The following RNF150 variants were observed in gnomAD, a reference collection of about 807,000 sequenced individuals.
RNF150 encodes the protein ring finger protein 150.
RNF150 carries 24 observed loss-of-function variants against 39.3 expected under a neutral mutation model. That is an observed-to-expected ratio of 0.61 (90% confidence interval 0.44 to 0.86). RNF150 has a LOEUF of 0.86. RNF150 is among the 40% of genes least tolerant of loss of function. The probability of loss-of-function intolerance (pLI) is 0.00; values close to 1 mark genes in which losing one functional copy is unlikely to be tolerated. For missense variants in RNF150, 502 were observed against 587.8 expected, an observed-to-expected ratio of 0.85 and a Z score of 1.51; for synonymous variants, 255 against 227.3, an observed-to-expected ratio of 1.12 and a Z score of -1.10.
intron 6 of RNF150, among the ~76,000 whole-genome samples, chr4:140,909,353 C>T (rs1051808017): frequency 2.0e-5 from 3 of 151,952 alleles, no homozygotes; most frequent in African/African-American, 7.2e-5. Context: ...TTTACAGTGT[C>T]TCAATAGTTT....
intron 6 of RNF150, among the ~76,000 whole-genome samples, chr4:140,875,348 A>AT (rs898892189): frequency 6.3e-4 from 96 of 151,630 alleles, no homozygotes; most frequent in African/African-American, 2.1e-3. Context: ...TAATTAAAAT[A>AT]TTTTTTTTCA....
At chr4:140,899,090 G>T (rs1319818287) in intron 6 of RNF150, among the ~76,000 whole-genome samples, 1 of 151,648 alleles carries the variant, frequency 6.6e-6, no homozygotes, top group African/African-American at 2.4e-5. Flanking sequence ...TTTACTAATG[G>T]TTTTTTTTTA....
intron 4 of RNF150, among the ~76,000 whole-genome samples, chr4:140,937,151 T>C (rs1000121874): frequency 2.0e-5 from 3 of 152,232 alleles, no homozygotes; most frequent in African/African-American, 7.2e-5. Flanking sequence ...CTCATGATTT[T>C]ATAATGATGA....
At chr4:140,931,986 G>A (rs1294555437) in intron 4 of RNF150, among the ~76,000 whole-genome samples, 1 of 152,184 alleles carries the variant, frequency 6.6e-6, no homozygotes, top group African/African-American at 2.4e-5. Context: ...AGAAAAGGCT[G>A]TTCTGTTTTT....
At chr4:141,142,888 T>A (rs78870965) in intron 1 of RNF150, among the ~76,000 whole-genome samples, 1 of 151,720 alleles carries the variant, frequency 6.6e-6, no homozygotes, top group Non-Finnish European at 1.5e-5. Context: ...TTTTTTTTTT[T>A]AGATAGAGTC....
At chr4:141,152,303 A>G (rs764964741) in intron 1 of RNF150, among the ~76,000 whole-genome samples, 2 of 152,246 alleles carry the variant, frequency 1.3e-5, no homozygotes, top group Non-Finnish European at 2.9e-5. Flanking sequence ...TTGTCCAGTC[A>G]CATAAAAAGA....
At chr4:141,103,319 C>G (rs1739080985) in intron 1 of RNF150, among the ~76,000 whole-genome samples, 1 of 152,200 alleles carries the variant, frequency 6.6e-6, no homozygotes, top group Non-Finnish European at 1.5e-5. Context: ...AGACTCTCCT[C>G]CTTAACCCAA....
intron 1 of RNF150, among the ~76,000 whole-genome samples, chr4:141,032,772 A>G (rs1490489983): frequency 6.6e-6 from 1 of 152,162 alleles, no homozygotes; most frequent in African/African-American, 2.4e-5. Flanking sequence ...AGTCACACAA[A>G]TTTTTTGGTT....
intron 1 of RNF150, among the ~76,000 whole-genome samples, chr4:141,068,626 T>C (rs933742303): frequency 4.6e-5 from 7 of 151,736 alleles, no homozygotes; most frequent in Non-Finnish European, 7.4e-5. Flanking sequence ...GGGGATGGCA[T>C]TGAATCTATA....
In RNF150 at chr4:141,034,666, A is replaced by C. The variant is rs189721192; in HGVS notation, c.485-66793T>G. On this transcript the variant is annotated intron_variant, in intron 1 of 6. Transcript: ENST00000515673. Reference sequence around the variant, plus strand: ...AACACTTAGAGGCCACGGTAGGGTTATTAATTGGCCTAATTTTAATATTTT... The same window carrying C: ...AACACTTAGAGGCCACGGTAGGGTTCTTAATTGGCCTAATTTTAATATTTT... 3.1e-4 allele frequency among the ~76,000 whole-genome samples: 47 copies of C among 152,282 alleles called. No individual in the cohort carries two copies. The East Asian group carries it at 3.1e-3, about 10-fold the overall frequency.
At chr4:141,121,849 C>G (rs1477237757) in intron 1 of RNF150, among the ~76,000 whole-genome samples, 1 of 152,138 alleles carries the variant, frequency 6.6e-6, no homozygotes, top group African/African-American at 2.4e-5. Flanking sequence ...TAAAGAACCA[C>G]GTGGTATAAG....
At chr4:140,917,673 C>T (rs980934862) in intron 5 of RNF150, among the ~76,000 whole-genome samples, 6 of 152,208 alleles carry the variant, frequency 3.9e-5, no homozygotes, top group Non-Finnish European at 7.3e-5. Context: ...TTGAACTCAG[C>T]TATGCACCAA....
At chr4:141,035,250 AT>A (rs1452146895) in intron 1 of RNF150, among the ~76,000 whole-genome samples, 1 of 152,190 alleles carries the variant, frequency 6.6e-6, no homozygotes, top group African/African-American at 2.4e-5. Flanking sequence ...GGTCTGAGGA[AT>A]GCATGAAGTT....
intron 1 of RNF150, among the ~76,000 whole-genome samples, chr4:141,158,792 T>C (rs1223015836): frequency 1.3e-5 from 2 of 151,216 alleles, no homozygotes; most frequent in Non-Finnish European, 2.9e-5. Flanking sequence ...ACTATCAGTA[T>C]TTCCTGTGAG....
intron 2 of RNF150, among the ~76,000 whole-genome samples, chr4:140,962,436 T>G (rs1192009131): frequency 1.3e-5 from 2 of 151,638 alleles, no homozygotes; most frequent in African/African-American, 4.8e-5. Context: ...TTTCTTCATA[T>G]GTATTCATAT....
intron 1 of RNF150, among the ~76,000 whole-genome samples, chr4:141,121,615 G>C (rs1295855260): frequency 6.6e-6 from 1 of 152,132 alleles, no homozygotes; most frequent in Non-Finnish European, 1.5e-5. Context: ...ACAGAAGTTT[G>C]TGTGCTTTCC....
At chr4:141,064,474 A>C (rs970559571) in intron 1 of RNF150, among the ~76,000 whole-genome samples, 1 of 152,128 alleles carries the variant, frequency 6.6e-6, no homozygotes. Flanking sequence ...ATAGTTGTGC[A>C]TTCCTGTAGT....
intron 1 of RNF150, among the ~76,000 whole-genome samples, chr4:141,110,275 C>A (rs1739344725): frequency 6.6e-6 from 1 of 152,174 alleles, no homozygotes; most frequent in East Asian, 1.9e-4. Flanking sequence ...CGAGAGGAAT[C>A]TGGGAACAGA....
chr4:140,888,907 A>C (rs1469619519), intron 6 of RNF150, among the ~76,000 whole-genome samples: 1 of 152,222 alleles, frequency 6.6e-6, no homozygotes, highest in African/African-American at 2.4e-5. Flanking sequence ...TTAGTTGTTC[A>C]TGATTATATT....
Sources: gnomAD v4.1 joint callset for allele counts (sites outside exome capture counted in the v4.1 genomes callset) on GRCh38, gnomAD v4.1.1 for gene constraint, MANE v1.5 for transcripts, NCBI Gene and HGNC (gene_info 2026-07-23, HGNC 2026-07-21) for gene names.